Variants in RIN2 observed in about 807,000 individuals in gnomAD.
RIN2 encodes Ras and Rab interactor 2.
A neutral mutation model predicts 78.0 loss-of-function variants in RIN2; 36 were observed. That is an observed-to-expected ratio of 0.46 (90% CI 0.35 to 0.61). The LOEUF (loss-of-function observed/expected upper bound fraction) is 0.61, where lower values mean the gene tolerates loss of function less well. RIN2 is among the 20% of genes least tolerant of loss of function. The pLI, the probability that RIN2 is intolerant of heterozygous loss-of-function variation, is 0.00. For synonymous variants in RIN2, 466 were observed against 466.8 expected (o/e 1.00, Z 0.02); for missense variants, 1,087 against 1,159.7 (o/e 0.94, Z 0.91).
chr20:19,954,980 C>T (rs943075401), intron 4 of RIN2, among the ~76,000 whole-genome samples: 6 of 152,146 alleles, frequency 3.9e-5, no homozygotes, highest in Non-Finnish European at 8.8e-5. Context: ...TAAAATTCAC[C>T]CTTTTAATGT....
In RIN2 at chr20:19,850,990, A is replaced by AAAGGAAGG. The variant is rs199637524; in HGVS notation, c.-36-38522_-36-38515dup. 5.7e-3 allele frequency among the ~76,000 whole-genome samples: 563 copies of AAAGGAAGG among 99,302 alleles called. 6 individuals are homozygous for AAAGGAAGG. Among genetic ancestry groups the AAAGGAAGG allele is most frequent in the African/African-American group, 0.012 (301 of 24,716 alleles). The allele number at this position is 99,302 out of a possible 152,430, so 65.1% of individuals were successfully genotyped here. A position where few individuals can be genotyped will look rare whatever the true frequency, so the allele number is the denominator to read the frequency against. On this transcript the variant is annotated intron_variant, in intron 2 of 12. Transcript: ENST00000255006. ...ACTCTGTCAAAAAAAGAAAGGGAGA[A>AAAGGAAGG]AAGGAAGGAAGGAAGGAAGGAAGGA... is the stretch of plus-strand genomic sequence containing the variant.
chr20:19,980,406 A>T (rs1187971011), intron 9 of RIN2, among the ~76,000 whole-genome samples: 2 of 151,998 alleles, frequency 1.3e-5, no homozygotes, highest in Non-Finnish European at 1.5e-5. Context: ...TGGAGTTGTG[A>T]CTCTCTGACC....
intron 4 of RIN2, among the ~76,000 whole-genome samples, chr20:19,946,395 G>A (rs2041089318): frequency 6.6e-6 from 1 of 152,176 alleles, no homozygotes; most frequent in African/African-American, 2.4e-5. Flanking sequence ...AGGAAGCTGA[G>A]CAACAGCATG....
chr20:19,936,568 C>T (rs573369918), intron 4 of RIN2, among the ~76,000 whole-genome samples: 1 of 152,302 alleles, frequency 6.6e-6, no homozygotes, highest in South Asian at 2.1e-4. Flanking sequence ...GACAGACACC[C>T]AGACACAGAG....
intron 2 of RIN2, among the ~76,000 whole-genome samples, chr20:19,841,254 G>A (rs915011477): frequency 6.6e-5 from 10 of 151,770 alleles, no homozygotes; most frequent in African/African-American, 2.4e-4. Context: ...GAGTGAGGTG[G>A]CTACAGGCGT....
chr20:19,964,893 C>T, intron 6 of RIN2, 59 bp from the exon 7 acceptor site: 3 of 1,445,962 alleles, frequency 2.1e-6, no homozygotes, highest in Non-Finnish European at 2.9e-6. Context: ...GTTAGGGGCT[C>T]TTCCTGTCCC....
chr20:19,973,358 G>A (rs1362120589), intron 8 of RIN2, among the ~76,000 whole-genome samples: 1 of 152,152 alleles, frequency 6.6e-6, no homozygotes, highest in Non-Finnish European at 1.5e-5. Context: ...ATTACATAAG[G>A]CAGGTGACAC....
intron 2 of RIN2, among the ~76,000 whole-genome samples, chr20:19,842,051 G>T (rs191001641): frequency 2.2e-3 from 331 of 152,206 alleles, no homozygotes; most frequent in African/African-American, 7.7e-3. Flanking sequence ...TCTTGTTAGG[G>T]GCTAATGCAG....
chr20:19,886,054 A>G (rs2038176217), intron 2 of RIN2, among the ~76,000 whole-genome samples: 1 of 152,226 alleles, frequency 6.6e-6, no homozygotes, highest in Admixed American at 6.5e-5. Flanking sequence ...GCCTGTCCTT[A>G]ATCCTTCTCA....
chr20:19,955,121 C>T (rs925290651), intron 4 of RIN2, among the ~76,000 whole-genome samples: 2 of 152,082 alleles, frequency 1.3e-5, no homozygotes, highest in African/African-American at 4.8e-5. Context: ...TCTTTTCTCT[C>T]CCCCATTCTC....
At chr20:19,891,177 A>C (rs2038442145) in intron 3 of RIN2, among the ~76,000 whole-genome samples, 1 of 152,188 alleles carries the variant, frequency 6.6e-6, no homozygotes, top group Non-Finnish European at 1.5e-5. Flanking sequence ...AGCTTTGTGG[A>C]CAAAGTAGTC....
intron 9 of RIN2, among the ~76,000 whole-genome samples, chr20:19,976,288 T>A (rs1039108039): frequency 1.3e-5 from 2 of 152,172 alleles, no homozygotes; most frequent in East Asian, 3.8e-4. Context: ...GTGGGACAAC[T>A]ACCAACCCCT....
intron 12 of RIN2, among the ~76,000 whole-genome samples, chr20:19,998,977 T>C (rs905881953): frequency 3.9e-5 from 6 of 152,184 alleles, no homozygotes; most frequent in African/African-American, 7.2e-5. Flanking sequence ...CCTGCCCTCA[T>C]TGACCCTGCT....
At position 19,990,078 on chromosome 20, in the gene RIN2, A is replaced by G. The variant is rs1270625387; in HGVS notation, c.1835A>G (p.Lys612Arg). The G allele has an allele frequency of 6.3e-7, 1 of 1,599,398 alleles. No individual in the cohort carries two copies. Among genetic ancestry groups the G allele is most frequent in the East Asian group, 2.3e-5 (1 of 44,370 alleles). The change falls in exon 10 of 13, where the codon AAG becomes AGG. Residue 612 changes from lysine to arginine, a missense_variant. Physicochemically the swap from Lys to Arg is conservative, Grantham distance 26. This residue lies in a region of RIN2 where 97 missense variants were observed against 104.8 expected (regional missense o/e 0.93). Transcript: ENST00000255006. ...PLKGHVEAMLKDFHMADGSWK... is the reference protein window; with the variant it reads ...PLKGHVEAMLRDFHMADGSWK... The stretch of plus-strand genomic sequence containing the variant: ...AAGGGGCACGTGGAGGCCATGCTGA[A>G]GGACTTTCACATGGCCGATGGCTCA...
intron 3 of RIN2, among the ~76,000 whole-genome samples, chr20:19,928,296 G>A (rs1450535664): frequency 6.6e-6 from 1 of 152,108 alleles, no homozygotes; most frequent in Non-Finnish European, 1.5e-5. Flanking sequence ...AAGGATGAGG[G>A]CACCCAAATG....
At chr20:19,962,048 C>A (rs527607405) in intron 6 of RIN2, among the ~76,000 whole-genome samples, 1 of 152,066 alleles carries the variant, frequency 6.6e-6, no homozygotes, top group African/African-American at 2.4e-5. Context: ...CACCTGTAAT[C>A]CTAGCACTTT....
chr20:19,860,368 C>T (rs565990294), intron 2 of RIN2, among the ~76,000 whole-genome samples: 1 of 152,070 alleles, frequency 6.6e-6, no homozygotes, highest in African/African-American at 2.4e-5. Flanking sequence ...GTTGCTCAGG[C>T]TGGAGTGCAG....
intron 1 of RIN2, among the ~76,000 whole-genome samples, chr20:19,760,207 G>A (rs191721760): frequency 3.3e-5 from 5 of 152,302 alleles, no homozygotes; most frequent in Non-Finnish European, 5.9e-5. Context: ...GTAGGGTCCC[G>A]GGACAGTGAA....
intron 2 of RIN2, among the ~76,000 whole-genome samples, chr20:19,820,573 T>C (rs1265258235): frequency 6.6e-6 from 1 of 152,210 alleles, no homozygotes; most frequent in African/African-American, 2.4e-5. Flanking sequence ...TCCTGTGGTC[T>C]AGAGTCCCCC....
Sources: allele counts gnomAD v4.1 joint callset (sites outside exome capture counted in the v4.1 genomes callset), GRCh38; gene constraint gnomAD v4.1.1; regional missense constraint gnomAD v4.1.1; transcripts MANE v1.5; gene names NCBI Gene and HGNC (gene_info 2026-07-23, HGNC 2026-07-21).